WDR59: variants seen among roughly 807,000 people sequenced by gnomAD.
WDR59 encodes WD repeat domain 59.
In WDR59, 100 loss-of-function variants were observed where a neutral mutation model predicts 131.2. The observed-to-expected ratio is 0.76, with a 90% CI of 0.65 to 0.90. WDR59 has a LOEUF of 0.90. Ranked by LOEUF, WDR59 falls within the 40% of genes least tolerant of loss-of-function variation. WDR59 has a pLI of 0.00. For synonymous variants in WDR59, 601 were observed against 466.2 expected (o/e 1.29, Z -3.72); for missense variants, 1,203 against 1,262.2 (o/e 0.95, Z 0.71).
At position 74,885,714 on chromosome 16, in the gene WDR59, T is replaced by C. The variant is rs776019815; in HGVS notation, c.2628A>G (p.Arg876=). ...YGEILYRWGL[R]EKRAEVLKFV... ...ACTTCAACACTTCAGCTCGCTTCTC[T>C]CTCAGACCCCAACGGTAGAGGATTT... Residue 876 remains arginine, a synonymous_variant, in exon 25 of 26, where the codon AGA becomes AGG. Transcript: ENST00000262144. 3.7e-5 allele frequency: 59 copies of C among 1,614,036 alleles called. No individual in the cohort carries two copies. Among genetic ancestry groups the C allele is most frequent in the Non-Finnish European group, 1.5e-5 (18 of 1,180,048 alleles).
intron 1 of WDR59, among the ~76,000 whole-genome samples, chr16:74,972,706 A>G (rs936151332): frequency 1.3e-5 from 2 of 151,098 alleles, no homozygotes; most frequent in Non-Finnish European, 2.9e-5. Flanking sequence ...CTGTAATCCC[A>G]GCTACTCAGG....
At chr16:74,910,740 T>A (rs1966044907) in intron 14 of WDR59, among the ~76,000 whole-genome samples, 1 of 152,198 alleles carries the variant, frequency 6.6e-6, no homozygotes, top group Admixed American at 6.5e-5. Context: ...TGGGAGTTAT[T>A]TATATCCTAC....
chr16:74,931,668 C>T (rs2031400284), intron 8 of WDR59, among the ~76,000 whole-genome samples: 1 of 152,038 alleles, frequency 6.6e-6, no homozygotes, highest in African/African-American at 2.4e-5. Flanking sequence ...ATCACAAGAG[C>T]TGAGTCTACA....
intron 8 of WDR59, among the ~76,000 whole-genome samples, chr16:74,932,244 C>A (rs1466195876): frequency 3.3e-5 from 5 of 151,398 alleles, no homozygotes; most frequent in African/African-American, 7.3e-5. Context: ...CAGGTGCATG[C>A]TACCAGCCCA....
At chr16:74,978,057 A>T (rs927591782) in intron 1 of WDR59, among the ~76,000 whole-genome samples, 1 of 151,974 alleles carries the variant, frequency 6.6e-6, no homozygotes, top group African/African-American at 2.4e-5. Flanking sequence ...AAAAATTTTT[A>T]AAAATTACCC....
Position 74,912,377 on chromosome 16 carries a change from T to A in WDR59, c.1225-15A>T. The stretch of plus-strand genomic sequence containing the variant: ...GCCGCATCCATCTGCAAGAGACAAA[T>A]CCACAATTGCTGTAGAAACAAACCA... On this transcript the variant is annotated splice_polypyrimidine_tract_variant and intron_variant, in intron 13 of 25. Coordinates refer to ENST00000262144, the MANE Select transcript of WDR59 (RefSeq NM_030581.4). The A allele has an allele frequency of 1.2e-6, 2 of 1,605,392 alleles. No individual in the cohort carries two copies. The highest frequency in any genetic ancestry group is 1.7e-6 in the Non-Finnish European group (2 of 1,173,926).
intron 8 of WDR59, among the ~76,000 whole-genome samples, chr16:74,934,346 T>G (rs72798651): frequency 0.062 from 9,464 of 152,278 alleles, 405 homozygotes; most frequent in Non-Finnish European, 0.096. Context: ...TGTTTCTAGA[T>G]TTAAATATGT....
At chr16:74,975,999 A>G (rs1461036034) in intron 1 of WDR59, among the ~76,000 whole-genome samples, 2 of 152,138 alleles carry the variant, frequency 1.3e-5, no homozygotes, top group African/African-American at 4.8e-5. Flanking sequence ...GTTAAAATAC[A>G]CATATATAAA....
intron 25 of WDR59, among the ~76,000 whole-genome samples, chr16:74,877,351 G>A (rs916561026): frequency 5.3e-5 from 8 of 152,072 alleles, no homozygotes; most frequent in Admixed American, 2.0e-4. Context: ...GTTCAGTGAC[G>A]AAGAAAATGT....
intron 18 of WDR59, chr16:74,899,660 G>T (rs796534908): frequency 7.8e-7 from 1 of 1,284,534 alleles, no homozygotes; most frequent in South Asian, 1.2e-5. Context: ...GGTAGAGACA[G>T]GATTAGTTAA....
At chr16:74,918,365 A>G (rs1966492439) in intron 10 of WDR59, among the ~76,000 whole-genome samples, 2 of 152,254 alleles carry the variant, frequency 1.3e-5, no homozygotes, top group African/African-American at 4.8e-5. Flanking sequence ...CTGGCAAATT[A>G]GCAGGTAAAG....
chr16:74,927,130 T>G (rs766115911), intron 8 of WDR59, among the ~76,000 whole-genome samples: 1 of 152,230 alleles, frequency 6.6e-6, no homozygotes, highest in Non-Finnish European at 1.5e-5. Flanking sequence ...CAATCATTTC[T>G]GAGCAGAAGT....
At chr16:74,944,396 G>A (rs914056938) in intron 6 of WDR59, among the ~76,000 whole-genome samples, 1 of 151,718 alleles carries the variant, frequency 6.6e-6, no homozygotes, top group Admixed American at 6.6e-5. Flanking sequence ...AACCTAGTAG[G>A]GGGAGGTTGC....
At chr16:74,926,425 G>C (rs1362202709) in intron 8 of WDR59, among the ~76,000 whole-genome samples, 1 of 152,134 alleles carries the variant, frequency 6.6e-6, no homozygotes, top group East Asian at 1.9e-4. Context: ...TTTGAAGACA[G>C]AATAAAGGTT....
intron 1 of WDR59, among the ~76,000 whole-genome samples, chr16:74,980,382 A>G (rs1347256512): frequency 7.1e-6 from 1 of 141,228 alleles, no homozygotes; most frequent in African/African-American, 2.7e-5. Flanking sequence ...TTTGAGACAG[A>G]GTTTCGCTCT....
intron 2 of WDR59, among the ~76,000 whole-genome samples, chr16:74,964,303 C>T (rs1307678489): frequency 6.7e-6 from 1 of 149,740 alleles, no homozygotes; most frequent in African/African-American, 2.5e-5. Context: ...CACTTGAAAC[C>T]GGAAGGCGGA....
At chr16:74,885,826 T>A (rs1352877368) in intron 24 of WDR59, 31 bp from the exon 25 acceptor site, 26 of 1,605,624 alleles carry the variant, frequency 1.6e-5, no homozygotes, top group Non-Finnish European at 2.1e-5. Flanking sequence ...TTCCTGTCAG[T>A]TCCTTTAAGA....
chr16:74,875,181 G>A (rs1364149941), intron 25 of WDR59, among the ~76,000 whole-genome samples: 1 of 152,220 alleles, frequency 6.6e-6, no homozygotes, highest in Non-Finnish European at 1.5e-5. Flanking sequence ...GCCCAAGTCA[G>A]GACACCGGGA....
intron 13 of WDR59, 183 bp downstream of exon 13, chr16:74,915,687 G>A (rs1401934519): frequency 8.1e-6 from 6 of 738,914 alleles, no homozygotes; most frequent in Non-Finnish European, 1.3e-5. Flanking sequence ...GACTCCCAAA[G>A]TGCTGGGATT....
Sources: allele counts gnomAD v4.1 joint callset (sites outside exome capture counted in the v4.1 genomes callset), GRCh38; gene constraint gnomAD v4.1.1; transcripts MANE v1.5; gene names NCBI Gene and HGNC (gene_info 2026-07-23, HGNC 2026-07-21).